TMCO5A: variants seen among roughly 807,000 people sequenced by gnomAD.
The protein encoded by TMCO5A is transmembrane and coiled-coil domain-containing protein 5A.
A neutral mutation model predicts 42.3 loss-of-function variants in TMCO5A; 34 were observed. The ratio of observed to expected loss-of-function variants is 0.80; its 90% CI spans 0.61 to 1.07. The LOEUF is 1.07. Among genes scored for constraint, TMCO5A ranks in the 50% least tolerant of loss-of-function variants. The pLI is 0.00. For missense variants in TMCO5A, 357 were observed against 327.9 expected, an observed-to-expected ratio of 1.09 and a Z score of -0.69; for synonymous variants, 131 against 115.6, an observed-to-expected ratio of 1.13 and a Z score of -0.86.
downstream of TMCO5A, among the ~76,000 whole-genome samples, chr15:37,971,301 C>T (rs193026550): frequency 2.9e-4 from 44 of 152,302 alleles, no homozygotes; most frequent in Non-Finnish European, 5.1e-4. Flanking sequence ...CTGAGCTGCA[C>T]CTTGGCCCCT....
chr15:37,969,325 A>G (rs1054723141), downstream of TMCO5A, among the ~76,000 whole-genome samples: 7 of 152,226 alleles, frequency 4.6e-5, no homozygotes, highest in Non-Finnish European at 1.0e-4. Context: ...GCAACTTAGT[A>G]TATCAAGTTG....
chr15:37,991,400 T>C, the TMCO5A span, among the ~76,000 whole-genome samples: 2 of 152,158 alleles, frequency 1.3e-5, no homozygotes, highest in Non-Finnish European at 2.9e-5. Flanking sequence ...CTTTGGCTTC[T>C]CACAGTTTGA....
the TMCO5A span, among the ~76,000 whole-genome samples, chr15:37,998,742 T>A: frequency 6.6e-6 from 1 of 152,120 alleles, no homozygotes; most frequent in African/African-American, 2.4e-5. Flanking sequence ...TGAATGTCAT[T>A]GGTATTTTGA....
chr15:37,981,200 CAAAAA>C, the TMCO5A span, among the ~76,000 whole-genome samples: 1 of 65,342 alleles, frequency 1.5e-5, no homozygotes, highest in African/African-American at 5.6e-5. Flanking sequence ...AGAAAGCCAG[CAAAAA>C]AAAAAAAAAA....
the TMCO5A span, chr15:37,993,365 T>C: frequency 7.7e-6 from 1 of 129,912 alleles, no homozygotes; most frequent in African/African-American, 3.7e-5. Context: ...CAGGGTTTGC[T>C]AATTTGGGTT....
downstream of TMCO5A, among the ~76,000 whole-genome samples, chr15:37,969,697 T>C (rs1890638138): frequency 6.6e-6 from 1 of 152,164 alleles, no homozygotes; most frequent in South Asian, 2.1e-4. Context: ...TCAGTTCCTC[T>C]CCCTCCTCCA....
At chr15:38,022,053 A>T in the TMCO5A span, among the ~76,000 whole-genome samples, 2 of 151,966 alleles carry the variant, frequency 1.3e-5, no homozygotes, top group Admixed American at 6.6e-5. Flanking sequence ...CTCATGATCT[A>T]CCCGTGTTGG....
chr15:38,022,766 T>C, the TMCO5A span, among the ~76,000 whole-genome samples: 1 of 152,120 alleles, frequency 6.6e-6, no homozygotes, highest in East Asian at 1.9e-4. Context: ...GGCAGGGGTA[T>C]ATGGGAAATC....
chr15:37,945,236 A>G (rs1424619019), intron 10 of TMCO5A, among the ~76,000 whole-genome samples: 1 of 152,136 alleles, frequency 6.6e-6, no homozygotes, highest in Non-Finnish European at 1.5e-5. Context: ...ATAGTATTCC[A>G]TGATGTATAT....
At chr15:37,992,193 AAC>A in the TMCO5A span, among the ~76,000 whole-genome samples, 9 of 152,314 alleles carry the variant, frequency 5.9e-5, no homozygotes, top group African/African-American at 2.2e-4. Flanking sequence ...AAAGGACATG[AAC>A]ACACACTTTT....
At chr15:37,942,090 C>G (rs1889766584) in intron 8 of TMCO5A, 101 bp from the exon 9 acceptor site, 1 of 1,100,956 alleles carries the variant, frequency 9.1e-7, no homozygotes. Context: ...GTGGGAATAC[C>G]AAGCATTCAT....
At chr15:37,978,466 A>G in the TMCO5A span, among the ~76,000 whole-genome samples, 4 of 152,176 alleles carry the variant, frequency 2.6e-5, no homozygotes, top group African/African-American at 9.7e-5. Context: ...CCTGGTGAAG[A>G]CTAGGGGGTG....
the TMCO5A span, among the ~76,000 whole-genome samples, chr15:38,022,644 T>G: frequency 6.6e-6 from 1 of 152,126 alleles, no homozygotes; most frequent in African/African-American, 2.4e-5. Context: ...TGTAAATCCA[T>G]AGTTTTATGG....
At chr15:38,006,333 G>T in the TMCO5A span, among the ~76,000 whole-genome samples, 1 of 152,322 alleles carries the variant, frequency 6.6e-6, no homozygotes, top group Admixed American at 6.5e-5. Flanking sequence ...TGCCTGGTAT[G>T]ATTCAGAGCA....
the TMCO5A span, among the ~76,000 whole-genome samples, chr15:37,998,905 G>T: frequency 3.9e-4 from 59 of 151,084 alleles, no homozygotes; most frequent in African/African-American, 1.4e-3. Flanking sequence ...TTTTTTTGTT[G>T]TTGTTGTTGT....
the TMCO5A span, among the ~76,000 whole-genome samples, chr15:38,023,628 G>T: frequency 6.6e-6 from 1 of 152,146 alleles, no homozygotes; most frequent in Admixed American, 6.5e-5. Flanking sequence ...GAGGAATTAG[G>T]TCCCATCTCT....
the TMCO5A span, among the ~76,000 whole-genome samples, chr15:38,016,542 T>G: frequency 6.6e-6 from 1 of 152,114 alleles, no homozygotes; most frequent in Non-Finnish European, 1.5e-5. Flanking sequence ...CAATCTCTGC[T>G]CAAACACCAG....
At chr15:38,018,920 G>C in the TMCO5A span, among the ~76,000 whole-genome samples, 3 of 152,044 alleles carry the variant, frequency 2.0e-5, no homozygotes, top group Non-Finnish European at 4.4e-5. Flanking sequence ...AAAAGACAAT[G>C]GAGCTCTGTT....
chr15:37,983,729 T>TG, the TMCO5A span, among the ~76,000 whole-genome samples: 2,034 of 148,650 alleles, frequency 0.014, 44 homozygotes, highest in African/African-American at 0.05. Context: ...GTTTTTTTTT[T>TG]TGTTTTTTTT....
Sources: allele counts gnomAD v4.1 joint callset (sites outside exome capture counted in the v4.1 genomes callset), GRCh38; gene constraint gnomAD v4.1.1; transcripts MANE v1.5; gene names NCBI Gene and HGNC (gene_info 2026-07-23, HGNC 2026-07-21).